Variants in FBXW10B observed in about 807,000 individuals in gnomAD.
The protein encoded by FBXW10B is F-box and WD repeat domain containing 10B.
chr17:15,598,959 G>A, the FBXW10B span, among the ~76,000 whole-genome samples: 1 of 152,100 alleles, frequency 6.6e-6, no homozygotes, highest in Non-Finnish European at 1.5e-5. Flanking sequence ...GGCGGATCAT[G>A]AGATCAAGAG....
chr17:15,582,385 G>T, the FBXW10B span, among the ~76,000 whole-genome samples: 2 of 151,918 alleles, frequency 1.3e-5, no homozygotes, highest in South Asian at 4.2e-4. Context: ...CTAAAAGATA[G>T]ATCTCTTGAT....
chr17:15,592,871 G>A, the FBXW10B span, among the ~76,000 whole-genome samples: 1 of 152,118 alleles, frequency 6.6e-6, no homozygotes, highest in Non-Finnish European at 1.5e-5. Context: ...TTGGGAGGCC[G>A]TGACGGGTGG....
the FBXW10B span, among the ~76,000 whole-genome samples, chr17:15,601,101 A>T: frequency 6.9e-6 from 1 of 144,968 alleles, no homozygotes; most frequent in Non-Finnish European, 1.5e-5. Context: ...AGTTGATAGG[A>T]TTGTCTACAT....
At chr17:15,611,268 C>T in the FBXW10B span, among the ~76,000 whole-genome samples, 4 of 152,078 alleles carry the variant, frequency 2.6e-5, no homozygotes, top group African/African-American at 7.2e-5. Flanking sequence ...GTGATCCGCC[C>T]GCCTCGGCCT....
the FBXW10B span, among the ~76,000 whole-genome samples, chr17:15,596,206 G>T: frequency 2.6e-5 from 4 of 151,760 alleles, no homozygotes; most frequent in Admixed American, 6.6e-5. Context: ...CAATACTCTG[G>T]AGGAGAAAAA....
chr17:15,616,859 T>C, the FBXW10B span, among the ~76,000 whole-genome samples: 14 of 138,602 alleles, frequency 1.0e-4, no homozygotes, highest in Middle Eastern at 3.8e-3. Flanking sequence ...CAACCTGTAA[T>C]AGGACTTAAC....
the FBXW10B span, among the ~76,000 whole-genome samples, chr17:15,583,591 C>G: frequency 1.3e-5 from 2 of 150,048 alleles, no homozygotes. Flanking sequence ...GCTTTTAAGC[C>G]CACAGGAAGC....
At chr17:15,566,360 T>C in the FBXW10B span, 1 of 1,369,632 alleles carries the variant, frequency 7.3e-7, no homozygotes, top group Non-Finnish European at 9.5e-7. Context: ...TCATCTGCTT[T>C]TTCAAAAAAA....
At chr17:15,617,659 T>G in the FBXW10B span, among the ~76,000 whole-genome samples, 2 of 152,100 alleles carry the variant, frequency 1.3e-5, no homozygotes, top group South Asian at 4.1e-4. Context: ...GCTGGCTGTT[T>G]AAAAGAAACT....
chr17:15,619,591 A>G, the FBXW10B span: 1 of 1,509,204 alleles, frequency 6.6e-7, no homozygotes, highest in East Asian at 2.3e-5. Flanking sequence ...AACGGGGGGA[A>G]ATGAATAAAT....
At chr17:15,604,825 C>A in the FBXW10B span, among the ~76,000 whole-genome samples, 1 of 152,170 alleles carries the variant, frequency 6.6e-6, no homozygotes, top group Non-Finnish European at 1.5e-5. Context: ...GCGTGAGCCA[C>A]CACGCCTGGC....
At chr17:15,614,387 G>T in the FBXW10B span, among the ~76,000 whole-genome samples, 1 of 151,846 alleles carries the variant, frequency 6.6e-6, no homozygotes, top group Admixed American at 6.6e-5. Context: ...GTAGAGGCGG[G>T]GTTTCACCGT....
chr17:15,582,957 G>A, the FBXW10B span, among the ~76,000 whole-genome samples: 14 of 136,204 alleles, frequency 1.0e-4, no homozygotes, highest in Non-Finnish European at 1.7e-4. Flanking sequence ...GTGTGCCCAC[G>A]ATTCTTCTTC....
the FBXW10B span, among the ~76,000 whole-genome samples, chr17:15,576,353 T>C: frequency 1.3e-5 from 2 of 152,244 alleles, no homozygotes; most frequent in African/African-American, 4.8e-5. Flanking sequence ...TTTGTTTTTA[T>C]AATGCTCAAA....
At chr17:15,618,117 C>G in the FBXW10B span, among the ~76,000 whole-genome samples, 1 of 152,186 alleles carries the variant, frequency 6.6e-6, no homozygotes, top group African/African-American at 2.4e-5. Flanking sequence ...ATCACGAGGT[C>G]AGGAGTCCGA....
the FBXW10B span, among the ~76,000 whole-genome samples, chr17:15,608,293 T>C: frequency 0.13 from 16,339 of 126,362 alleles, 1,323 homozygotes; most frequent in East Asian, 0.27. Flanking sequence ...TCCAGAGTAA[T>C]TGGGACTACA....
the FBXW10B span, among the ~76,000 whole-genome samples, chr17:15,584,206 T>G: frequency 0.049 from 7,463 of 152,282 alleles, 402 homozygotes; most frequent in African/African-American, 0.14. Flanking sequence ...ACTGAATGTC[T>G]GAAAAAAAGT....
chr17:15,609,852 C>CTTTTTTTT, the FBXW10B span, among the ~76,000 whole-genome samples: 503 of 103,142 alleles, frequency 4.9e-3, 4 homozygotes, highest in Middle Eastern at 0.016. Flanking sequence ...TTCTTTCTTT[C>CTTTTTTTT]TTTTTTTTTT....
the FBXW10B span, among the ~76,000 whole-genome samples, chr17:15,569,455 CTTTTTTTTTT>C: frequency 1.7e-5 from 1 of 59,194 alleles, no homozygotes; most frequent in Non-Finnish European, 2.9e-5. Context: ...TTTTCTTTTT[CTTTTTTTTTT>C]TTTTTTTTTT....
Sources: gnomAD v4.1 joint callset for allele counts (sites outside exome capture counted in the v4.1 genomes callset) on GRCh38, gnomAD v4.1.1 for gene constraint, MANE v1.5 for transcripts, NCBI Gene and HGNC (gene_info 2026-07-23, HGNC 2026-07-21) for gene names.